Variants in CALN1 observed in about 807,000 individuals in gnomAD.
CALN1 encodes calcium-binding protein 8.
CALN1 carries 17 observed loss-of-function variants against 30.6 expected under a neutral mutation model. The observed-to-expected ratio is 0.56, with a 90% CI of 0.38 to 0.83. The LOEUF is 0.83. Ranked by LOEUF, CALN1 falls within the 40% of genes least tolerant of loss-of-function variation. The pLI, the probability that CALN1 is intolerant of heterozygous loss-of-function variation, is 0.00. For missense variants in CALN1, 291 were observed against 354.9 expected, an observed-to-expected ratio of 0.82 and a Z score of 1.45; for synonymous variants, 156 against 131.4, an observed-to-expected ratio of 1.19 and a Z score of -1.28.
At chr7:72,121,914 T>C (rs975485436) in intron 3 of CALN1, among the ~76,000 whole-genome samples, 7 of 147,676 alleles carry the variant, frequency 4.7e-5, no homozygotes, top group African/African-American at 1.7e-4. Context: ...TATATAAATA[T>C]ATATTATATT....
chr7:72,485,617 A>G, the CALN1 span, among the ~76,000 whole-genome samples: 1 of 152,210 alleles, frequency 6.6e-6, no homozygotes, highest in Non-Finnish European at 1.5e-5. Flanking sequence ...CACGCCTGTA[A>G]TCCCAGCACT....
the CALN1 span, among the ~76,000 whole-genome samples, chr7:72,483,899 A>T: frequency 6.6e-6 from 1 of 151,810 alleles, no homozygotes; most frequent in Non-Finnish European, 1.5e-5. Context: ...ATTGCCTCAG[A>T]CATTGTGGGT....
At chr7:72,102,724 A>G (rs1162875627) in intron 4 of CALN1, among the ~76,000 whole-genome samples, 1 of 152,180 alleles carries the variant, frequency 6.6e-6, no homozygotes, top group Non-Finnish European at 1.5e-5. Flanking sequence ...CAGAAAATAG[A>G]GAAGTGCTTG....
At chr7:72,353,813 G>C (rs898033250) in intron 2 of CALN1, among the ~76,000 whole-genome samples, 1 of 152,140 alleles carries the variant, frequency 6.6e-6, no homozygotes, top group African/African-American at 2.4e-5. Flanking sequence ...AAGGGTATTT[G>C]AATGAAAGTG....
At chr7:71,865,895 A>G (rs181809407) in intron 5 of CALN1, among the ~76,000 whole-genome samples, 1 of 152,350 alleles carries the variant, frequency 6.6e-6, no homozygotes, top group Non-Finnish European at 1.5e-5. Flanking sequence ...TATTTATGTG[A>G]AACAAGTCAA....
chr7:71,891,149 A>C (rs1457747313), intron 5 of CALN1, among the ~76,000 whole-genome samples: 6 of 152,286 alleles, frequency 3.9e-5, no homozygotes, highest in African/African-American at 1.4e-4. Context: ...AATATTCGAC[A>C]TACAGATATA....
intron 3 of CALN1, among the ~76,000 whole-genome samples, chr7:72,185,432 T>C (rs1382346490): frequency 6.6e-6 from 1 of 152,096 alleles, no homozygotes; most frequent in Non-Finnish European, 1.5e-5. Flanking sequence ...GACAAGGCCC[T>C]GGGATTCGCA....
intron 2 of CALN1, among the ~76,000 whole-genome samples, chr7:72,340,752 G>A (rs1287349278): frequency 6.6e-6 from 1 of 152,186 alleles, no homozygotes; most frequent in African/African-American, 2.4e-5. Flanking sequence ...CCCACATGTT[G>A]TGGGAGGGAC....
intron 2 of CALN1, among the ~76,000 whole-genome samples, chr7:72,311,624 C>T (rs1438902737): frequency 6.7e-6 from 1 of 149,486 alleles, no homozygotes; most frequent in African/African-American, 2.5e-5. Context: ...GGACTACAGG[C>T]ACATGCCACC....
At chr7:72,249,685 C>T (rs1367551691) in intron 3 of CALN1, among the ~76,000 whole-genome samples, 2 of 150,510 alleles carry the variant, frequency 1.3e-5, no homozygotes, top group Non-Finnish European at 3.0e-5. Flanking sequence ...GACTGTAATC[C>T]CAGCTACTCA....
intron 3 of CALN1, among the ~76,000 whole-genome samples, chr7:72,234,693 G>A (rs1054619119): frequency 9.2e-5 from 14 of 152,114 alleles, no homozygotes; most frequent in African/African-American, 3.1e-4. Context: ...TGATCCGCCC[G>A]CCTTGGTCTC....
intron 3 of CALN1, among the ~76,000 whole-genome samples, chr7:72,175,556 G>A (rs1000234171): frequency 7.2e-5 from 11 of 152,086 alleles, no homozygotes; most frequent in Non-Finnish European, 8.8e-5. Context: ...ATTTGGAGAT[G>A]GCAAACTTCA....
intron 5 of CALN1, among the ~76,000 whole-genome samples, chr7:71,965,275 C>T (rs1347556780): frequency 1.3e-5 from 2 of 152,172 alleles, no homozygotes; most frequent in Non-Finnish European, 2.9e-5. Flanking sequence ...AGGTGATCCT[C>T]CCGCCTCAGC....
intron 3 of CALN1, among the ~76,000 whole-genome samples, chr7:72,192,486 G>C (rs1190139414): frequency 6.6e-6 from 1 of 152,134 alleles, no homozygotes; most frequent in African/African-American, 2.4e-5. Context: ...AGCAGTGAAA[G>C]ATGTTTATGC....
chr7:72,147,070 T>G (rs1462277012), intron 3 of CALN1, among the ~76,000 whole-genome samples: 1 of 152,240 alleles, frequency 6.6e-6, no homozygotes, highest in Non-Finnish European at 1.5e-5. Context: ...AAGGACTTCA[T>G]GTCTAAAACA....
At chr7:72,292,541 T>C (rs563774725) in intron 2 of CALN1, among the ~76,000 whole-genome samples, 2 of 150,928 alleles carry the variant, frequency 1.3e-5, no homozygotes, top group South Asian at 2.1e-4. Flanking sequence ...CAACATATAG[T>C]CAGGTGCAGT....
chr7:72,258,201 C>T (rs2129552598), intron 3 of CALN1, among the ~76,000 whole-genome samples: 1 of 152,282 alleles, frequency 6.6e-6, no homozygotes, highest in East Asian at 1.9e-4. Flanking sequence ...ATTTCACAAT[C>T]CCTGGAATTT....
At chr7:72,438,167 A>G (rs140792390) in intron 1 of CALN1, among the ~76,000 whole-genome samples, 204 of 151,634 alleles carry the variant, frequency 1.3e-3, no homozygotes, top group African/African-American at 4.4e-3. Context: ...TTTTTTGTAG[A>G]GATGAGGTCT....
intron 5 of CALN1, among the ~76,000 whole-genome samples, chr7:71,941,219 A>G (rs1181623914): frequency 9.2e-5 from 14 of 151,922 alleles, no homozygotes; most frequent in Non-Finnish European, 2.1e-4. Context: ...GTGTGGTGGC[A>G]GGTGCCTGTA....
Sources: gnomAD v4.1 joint callset for allele counts (sites outside exome capture counted in the v4.1 genomes callset) on GRCh38, gnomAD v4.1.1 for gene constraint, MANE v1.5 for transcripts, NCBI Gene and HGNC (gene_info 2026-07-23, HGNC 2026-07-21) for gene names.